NRG3: variants seen among roughly 807,000 people sequenced by gnomAD.
NRG3 encodes neuregulin 3, also known as pro-neuregulin-3, membrane-bound isoform.
A neutral mutation model predicts 66.9 loss-of-function variants in NRG3; 31 were observed. The ratio of observed to expected loss-of-function variants is 0.46; its 90% confidence interval spans 0.35 to 0.63. NRG3 has a LOEUF of 0.63. NRG3 is among the 20% of genes least tolerant of loss of function. The pLI is 0.00. For missense variants in NRG3, 910 were observed against 878.9 expected, an observed-to-expected ratio of 1.04 and a Z score of -0.45; for synonymous variants, 393 against 359.4, an observed-to-expected ratio of 1.09 and a Z score of -1.06.
intron 2 of NRG3, among the ~76,000 whole-genome samples, chr10:82,656,158 T>G (rs1007228250): frequency 1.3e-5 from 2 of 152,110 alleles, no homozygotes; most frequent in African/African-American, 4.8e-5. Flanking sequence ...TGAAAAGGGA[T>G]TTTTTTAATT....
intron 3 of NRG3, among the ~76,000 whole-genome samples, chr10:82,836,371 G>A (rs904717998): frequency 2.2e-4 from 33 of 152,274 alleles, no homozygotes; most frequent in African/African-American, 7.7e-4. Context: ...CATGGGAAAG[G>A]TATTCTAGAA....
At chr10:82,655,636 A>T (rs1316579481) in intron 2 of NRG3, among the ~76,000 whole-genome samples, 1 of 152,216 alleles carries the variant, frequency 6.6e-6, no homozygotes, top group African/African-American at 2.4e-5. Flanking sequence ...ACTTCTACAT[A>T]TCTATTTATC....
intron 1 of NRG3, among the ~76,000 whole-genome samples, chr10:82,312,054 G>A (rs1365777450): frequency 6.6e-6 from 1 of 152,210 alleles, no homozygotes; most frequent in Admixed American, 6.5e-5. Context: ...CAGGTATAAA[G>A]TGTTCAGCAC....
intron 2 of NRG3, among the ~76,000 whole-genome samples, chr10:82,438,902 C>A (rs1370287820): frequency 6.6e-6 from 1 of 151,584 alleles, no homozygotes; most frequent in Non-Finnish European, 1.5e-5. Flanking sequence ...ACCTTTGTTG[C>A]TGGTGATGGA....
chr10:82,390,573 A>G (rs2086289730), intron 2 of NRG3, among the ~76,000 whole-genome samples: 1 of 152,152 alleles, frequency 6.6e-6, no homozygotes, highest in East Asian at 1.9e-4. Flanking sequence ...ATTATTAATA[A>G]TGCTCTTTTA....
chr10:82,245,449 G>A (rs1358043981), intron 1 of NRG3, among the ~76,000 whole-genome samples: 1 of 152,190 alleles, frequency 6.6e-6, no homozygotes, highest in East Asian at 1.9e-4. Context: ...TGGCCCAAGG[G>A]TTAGGGACCC....
chr10:82,698,280 A>G (rs921979699), intron 2 of NRG3, among the ~76,000 whole-genome samples: 1 of 152,134 alleles, frequency 6.6e-6, no homozygotes, highest in Non-Finnish European at 1.5e-5. Context: ...TGATCATGAG[A>G]AAATTAGAAA....
At chr10:82,413,168 A>G (rs2088241591) in intron 2 of NRG3, among the ~76,000 whole-genome samples, 1 of 152,188 alleles carries the variant, frequency 6.6e-6, no homozygotes, top group Non-Finnish European at 1.5e-5. Flanking sequence ...CAGAGGAATC[A>G]CTATCTATGG....
intron 3 of NRG3, among the ~76,000 whole-genome samples, chr10:82,830,902 C>A (rs563708294): frequency 2.6e-5 from 4 of 152,242 alleles, no homozygotes; most frequent in Middle Eastern, 3.4e-3. Context: ...ATTTCTGGCA[C>A]GATTTACAAA....
intron 1 of NRG3, among the ~76,000 whole-genome samples, chr10:82,033,193 A>G (rs1441730126): frequency 6.6e-6 from 1 of 152,278 alleles, no homozygotes; most frequent in East Asian, 1.9e-4. Flanking sequence ...CTATAGGAAT[A>G]TTATTTTTTG....
chr10:82,771,910 C>A (rs539726082), intron 3 of NRG3, among the ~76,000 whole-genome samples: 1 of 152,074 alleles, frequency 6.6e-6, no homozygotes, highest in Non-Finnish European at 1.5e-5. Flanking sequence ...CTCCCTCTTA[C>A]TTAACACTCA....
intron 1 of NRG3, among the ~76,000 whole-genome samples, chr10:82,164,847 A>C (rs1475671308): frequency 6.6e-6 from 1 of 152,176 alleles, no homozygotes; most frequent in Non-Finnish European, 1.5e-5. Flanking sequence ...TGTGGAATTC[A>C]AGGGAGAAGT....
chr10:82,042,060 A>G (rs1331890032), intron 1 of NRG3, among the ~76,000 whole-genome samples: 2 of 152,068 alleles, frequency 1.3e-5, no homozygotes, highest in African/African-American at 4.8e-5. Flanking sequence ...TTAGAGATAT[A>G]AAGTGGCCAC....
intron 3 of NRG3, among the ~76,000 whole-genome samples, chr10:82,831,580 C>T (rs984723188): frequency 1.3e-5 from 2 of 152,120 alleles, no homozygotes; most frequent in African/African-American, 4.8e-5. Context: ...GTTTGGGAGG[C>T]CGAGGTAGGT....
intron 1 of NRG3, among the ~76,000 whole-genome samples, chr10:82,234,067 C>G (rs998245874): frequency 1.3e-5 from 2 of 152,178 alleles, no homozygotes; most frequent in Admixed American, 1.3e-4. Flanking sequence ...GACAATCACT[C>G]CCCGGCTCAA....
chr10:82,443,723 G>A (rs1319457203), intron 2 of NRG3, among the ~76,000 whole-genome samples: 1 of 152,072 alleles, frequency 6.6e-6, no homozygotes, highest in Non-Finnish European at 1.5e-5. Flanking sequence ...CATCTAGGAG[G>A]GATTATGTGA....
intron 1 of NRG3, among the ~76,000 whole-genome samples, chr10:82,238,512 T>G (rs1023828583): frequency 1.3e-5 from 2 of 152,182 alleles, no homozygotes; most frequent in African/African-American, 4.8e-5. Context: ...TTCTTAAACA[T>G]CAAAGTTCAG....
intron 1 of NRG3, among the ~76,000 whole-genome samples, chr10:81,943,684 A>G (rs1848587150): frequency 1.3e-5 from 2 of 152,332 alleles, no homozygotes; most frequent in East Asian, 1.9e-4. Context: ...CACTGCCCCA[A>G]GAAAGGAAGA....
chr10:82,186,512 A>G (rs185490785), intron 1 of NRG3, among the ~76,000 whole-genome samples: 10 of 152,280 alleles, frequency 6.6e-5, no homozygotes, highest in Admixed American at 5.2e-4. Context: ...TGAGCCTGAC[A>G]AATTTGCAGG....
Sources: allele counts gnomAD v4.1 joint callset (sites outside exome capture counted in the v4.1 genomes callset), GRCh38; gene constraint gnomAD v4.1.1; transcripts MANE v1.5; gene names NCBI Gene and HGNC (gene_info 2026-07-23, HGNC 2026-07-21).